The following PBX1 variants were observed in gnomAD, a reference collection of about 807,000 sequenced individuals.
The protein encoded by PBX1 is pre-B-cell leukemia transcription factor 1.
Under a neutral mutation model 53.4 loss-of-function variants are expected in PBX1, and 6 were observed. The ratio of observed to expected loss-of-function variants is 0.11; its 90% CI spans 0.06 to 0.22. The LOEUF (loss-of-function observed/expected upper bound fraction) is 0.22, where lower values mean the gene tolerates loss of function less well. Among genes scored for constraint, PBX1 ranks in the 10% least tolerant of loss-of-function variants. The probability of loss-of-function intolerance (pLI) is 1.00; values close to 1 mark genes in which losing one functional copy is unlikely to be tolerated. For synonymous variants in PBX1, 204 were observed against 212.3 expected (o/e 0.96, Z 0.34); for missense variants, 251 against 551.4 (o/e 0.46, Z 5.46).
chr1:164,753,236 T>A (rs1438350402), intron 2 of PBX1, among the ~76,000 whole-genome samples: 2 of 152,210 alleles, frequency 1.3e-5, no homozygotes, highest in African/African-American at 2.4e-5. Context: ...TTAATAATTT[T>A]AAAAAAGTGC....
intron 4 of PBX1, among the ~76,000 whole-genome samples, chr1:164,800,422 G>T (rs1669014046): frequency 6.6e-6 from 1 of 152,162 alleles, no homozygotes; most frequent in South Asian, 2.1e-4. Context: ...ACAAGGAGGT[G>T]GTCTAACATG....
chr1:164,704,329 C>T (rs1232291023), intron 2 of PBX1, among the ~76,000 whole-genome samples: 1 of 152,170 alleles, frequency 6.6e-6, no homozygotes, highest in Non-Finnish European at 1.5e-5. Context: ...GGAACAATTT[C>T]TGGTTGCACA....
chr1:164,727,085 T>C (rs1664737586), intron 2 of PBX1, among the ~76,000 whole-genome samples: 4 of 151,908 alleles, frequency 2.6e-5, no homozygotes, highest in South Asian at 2.1e-4. Context: ...CACCAAGCTT[T>C]GTCTTTTATT....
At chr1:164,668,664 TC>T (rs1660949212) in intron 2 of PBX1, among the ~76,000 whole-genome samples, 1 of 152,160 alleles carries the variant, frequency 6.6e-6, no homozygotes. Context: ...CGCCTTACCT[TC>T]CCCAGGCGCA....
chr1:164,687,561 T>TAA (rs5778407), intron 2 of PBX1, among the ~76,000 whole-genome samples: 23,955 of 110,082 alleles, frequency 0.22, 3,143 homozygotes, highest in Non-Finnish European at 0.29. Context: ...AGACCTTGTC[T>TAA]AAAAAAAAAA....
intron 2 of PBX1, among the ~76,000 whole-genome samples, chr1:164,883,189 G>A (rs1429040174): frequency 2.0e-5 from 3 of 152,098 alleles, no homozygotes; most frequent in Non-Finnish European, 2.9e-5. Context: ...AGAAAGTTGA[G>A]GCCATCAGTG....
intron 2 of PBX1, among the ~76,000 whole-genome samples, chr1:164,566,475 A>G (rs1427345390): frequency 6.6e-6 from 1 of 152,206 alleles, no homozygotes; most frequent in Non-Finnish European, 1.5e-5. Context: ...TTCTAGGAAT[A>G]CAGAGACAAT....
At chr1:164,610,957 A>G (rs924665988) in intron 2 of PBX1, among the ~76,000 whole-genome samples, 4 of 152,170 alleles carry the variant, frequency 2.6e-5, no homozygotes, top group Non-Finnish European at 4.4e-5. Flanking sequence ...CTCTCACCAT[A>G]AATCCTTTTT....
chr1:164,614,905 C>T (rs1657169124), intron 2 of PBX1, among the ~76,000 whole-genome samples: 1 of 152,144 alleles, frequency 6.6e-6, no homozygotes, highest in African/African-American at 2.4e-5. Flanking sequence ...TCCTGAGTAG[C>T]TGGGACTACA....
intron 8 of PBX1, among the ~76,000 whole-genome samples, chr1:164,846,076 A>C (rs1230984839): frequency 6.6e-6 from 1 of 151,960 alleles, no homozygotes; most frequent in Non-Finnish European, 1.5e-5. Flanking sequence ...ACCCATGAGC[A>C]TCTAGTATAG....
At chr1:164,823,623 G>C (rs531042610) in intron 8 of PBX1, among the ~76,000 whole-genome samples, 2 of 131,968 alleles carry the variant, frequency 1.5e-5, no homozygotes, top group South Asian at 2.7e-4. Context: ...GGGGTGGGGG[G>C]GGGGGTCAAC....
At position 164,684,708 on chromosome 1, in the gene PBX1, A is replaced by T. The variant is rs955466099; in HGVS notation, c.266-107786A>T. ...CCCTCTGCTTTCAGAAATCACTTAAAAAGGAAGGGAGTGCTTTTCCCATGA... is the reference window on the plus strand; with the variant it reads ...CCCTCTGCTTTCAGAAATCACTTAATAAGGAAGGGAGTGCTTTTCCCATGA... On this transcript the variant is annotated intron_variant, in intron 2 of 8. Transcript: ENST00000420696. 113 of 152,308 alleles carry T rather than the reference A, an allele frequency of 7.4e-4. 1 individual carries two copies. Among genetic ancestry groups the T allele is most frequent in the African/African-American group, 2.6e-3 (108 of 41,560 alleles). 9.4% of individuals were successfully genotyped at this position (152,308 alleles called of 1,614,324 possible). A position where few individuals can be genotyped will look rare whatever the true frequency, so the allele number is the denominator to read the frequency against.
chr1:164,750,143 TTGG>T (rs1416322135), intron 2 of PBX1, among the ~76,000 whole-genome samples: 2 of 124,408 alleles, frequency 1.6e-5, no homozygotes, highest in Non-Finnish European at 3.4e-5. Flanking sequence ...TGGGGGCTAG[TTGG>T]TGTGTGTGTG....
chr1:164,753,272 A>C (rs1166861488), intron 2 of PBX1, among the ~76,000 whole-genome samples: 1 of 152,252 alleles, frequency 6.6e-6, no homozygotes, highest in Non-Finnish European at 1.5e-5. Flanking sequence ...GAGATGTTTT[A>C]GGTGGTGTAA....
intron 2 of PBX1, among the ~76,000 whole-genome samples, chr1:164,566,953 C>T (rs1653473816): frequency 6.6e-6 from 1 of 151,968 alleles, no homozygotes; most frequent in African/African-American, 2.4e-5. Flanking sequence ...TCCTTAACAC[C>T]CTTTTGTTCT....
intron 8 of PBX1, chr1:164,831,480 C>T (rs1670753074): frequency 6.6e-6 from 1 of 152,156 alleles, no homozygotes; most frequent in African/African-American, 2.4e-5. Flanking sequence ...GCTCCGCCTC[C>T]TAGGTTCATG....
chr1:164,864,029 G>A (rs760629425), intron 2 of PBX1, among the ~76,000 whole-genome samples: 3 of 152,148 alleles, frequency 2.0e-5, no homozygotes, highest in East Asian at 1.9e-4. Context: ...TTCTTCCCTC[G>A]TGAGCTCAGT....
At chr1:164,695,274 G>A (rs1421360384) in intron 2 of PBX1, among the ~76,000 whole-genome samples, 1 of 152,132 alleles carries the variant, frequency 6.6e-6, no homozygotes, top group Non-Finnish European at 1.5e-5. Flanking sequence ...ATTTTGGTCT[G>A]TAGGATGAAA....
At chr1:164,830,690 A>G (rs1330403143) in intron 8 of PBX1, among the ~76,000 whole-genome samples, 2 of 152,206 alleles carry the variant, frequency 1.3e-5, no homozygotes, top group East Asian at 3.8e-4. Context: ...TAAACCCTGT[A>G]GGGCTTACAT....
Sources: gnomAD v4.1 joint callset for allele counts (sites outside exome capture counted in the v4.1 genomes callset) on GRCh38, gnomAD v4.1.1 for gene constraint, MANE v1.5 for transcripts, NCBI Gene and HGNC (gene_info 2026-07-23, HGNC 2026-07-21) for gene names.